Variants in COL24A1 observed in about 807,000 individuals in gnomAD.
COL24A1 encodes the protein collagen alpha-1(XXIV) chain.
In COL24A1, 224 loss-of-function variants were observed where a neutral mutation model predicts 253.9. The ratio of observed to expected loss-of-function variants is 0.88; its 90% CI spans 0.79 to 0.99. COL24A1 has a LOEUF of 0.99. Among genes scored for constraint, COL24A1 ranks in the 50% least tolerant of loss-of-function variants. The pLI, the probability that COL24A1 is intolerant of heterozygous loss-of-function variation, is 0.00. For missense variants in COL24A1, 2,131 were observed against 2,068.5 expected, an observed-to-expected ratio of 1.03 and a Z score of -0.59; for synonymous variants, 685 against 673.7, an observed-to-expected ratio of 1.02 and a Z score of -0.26.
intron 47 of COL24A1, among the ~76,000 whole-genome samples, chr1:85,812,660 T>C (rs1464497245): frequency 6.6e-6 from 1 of 152,158 alleles, no homozygotes; most frequent in Non-Finnish European, 1.5e-5. Context: ...CAAAATGAAA[T>C]CAATGTAGAG....
intron 24 of COL24A1, among the ~76,000 whole-genome samples, chr1:85,957,180 G>A (rs1226724106): frequency 6.6e-6 from 1 of 152,084 alleles, no homozygotes; most frequent in African/African-American, 2.4e-5. Flanking sequence ...TCACACACCA[G>A]GGCCTGTCAG....
At chr1:85,784,214 G>T (rs1282134877) in intron 49 of COL24A1, 45 bp downstream of exon 49, 2 of 1,608,816 alleles carry the variant, frequency 1.2e-6, no homozygotes, top group African/African-American at 1.3e-5. Flanking sequence ...ATGGCAGCCT[G>T]CTCTGTAGAA....
intron 37 of COL24A1, among the ~76,000 whole-genome samples, chr1:85,864,773 C>G (rs938462838): frequency 5.3e-5 from 8 of 152,140 alleles, no homozygotes; most frequent in Non-Finnish European, 1.5e-5. Context: ...AACCACATTT[C>G]AATAAATCCA....
chr1:86,139,561 G>C (rs1250120161), intron 2 of COL24A1, among the ~76,000 whole-genome samples: 2 of 152,052 alleles, frequency 1.3e-5, no homozygotes, highest in Non-Finnish European at 2.9e-5. Context: ...TTAAAAGAAA[G>C]TTACCAATTT....
intron 32 of COL24A1, among the ~76,000 whole-genome samples, chr1:85,888,248 T>C (rs1285240950): frequency 6.6e-6 from 1 of 152,120 alleles, no homozygotes; most frequent in African/African-American, 2.4e-5. Context: ...GCTCCCTCCA[T>C]TTTGTAATTT....
intron 37 of COL24A1, among the ~76,000 whole-genome samples, chr1:85,852,154 TC>T (rs1677846437): frequency 6.6e-6 from 1 of 152,186 alleles, no homozygotes. Flanking sequence ...ATTTTTTTTT[TC>T]ATTTGGATAA....
At chr1:86,033,659 TAA>T (rs79987754) in intron 13 of COL24A1, among the ~76,000 whole-genome samples, 33,294 of 151,230 alleles carry the variant, frequency 0.22, 4,089 homozygotes, top group Middle Eastern at 0.44. Context: ...TCAAAATAAT[TAA>T]TTTAAAGATT....
chr1:85,739,277 C>T (rs368548477), intron 57 of COL24A1, among the ~76,000 whole-genome samples: 368 of 152,268 alleles, frequency 2.4e-3, no homozygotes, highest in African/African-American at 7.9e-3. Context: ...AAAAGGTTTT[C>T]CATCAAGCAA....
intron 35 of COL24A1, among the ~76,000 whole-genome samples, chr1:85,874,135 A>T (rs913073507): frequency 6.6e-6 from 1 of 151,892 alleles, no homozygotes; most frequent in African/African-American, 2.4e-5. Context: ...TTAGGAAAAA[A>T]CTCCTTACCA....
chr1:86,097,778 C>A, intron 5 of COL24A1, among the ~76,000 whole-genome samples: 1 of 151,898 alleles, frequency 6.6e-6, no homozygotes, highest in Non-Finnish European at 1.5e-5. Flanking sequence ...TAGATGATCT[C>A]ATGAACTCTA....
chr1:86,006,129 C>A (rs631512), intron 19 of COL24A1, among the ~76,000 whole-genome samples: 27,645 of 151,974 alleles, frequency 0.18, 3,199 homozygotes, highest in African/African-American at 0.32. Flanking sequence ...CAAACAAAAT[C>A]CCATAAGTTA....
At chr1:86,018,839 C>T (rs528547506) in intron 18 of COL24A1, among the ~76,000 whole-genome samples, 12 of 152,180 alleles carry the variant, frequency 7.9e-5, no homozygotes, top group Admixed American at 2.6e-4. Flanking sequence ...AGTGTATTTA[C>T]GAACAACCTC....
intron 50 of COL24A1, among the ~76,000 whole-genome samples, chr1:85,783,904 G>C (rs188406740): frequency 2.0e-4 from 31 of 152,072 alleles, no homozygotes; most frequent in South Asian, 1.2e-3. Flanking sequence ...AGGGATGAAA[G>C]AAAACAAAAT....
At chr1:85,855,918 T>G (rs1678386185) in intron 37 of COL24A1, among the ~76,000 whole-genome samples, 1 of 152,174 alleles carries the variant, frequency 6.6e-6, no homozygotes, top group Non-Finnish European at 1.5e-5. Context: ...TGGTTCAATC[T>G]TGGGAGGTTG....
At chr1:86,132,776 G>A (rs11161748) in intron 2 of COL24A1, among the ~76,000 whole-genome samples, 4 of 152,244 alleles carry the variant, frequency 2.6e-5, no homozygotes, top group Non-Finnish European at 5.9e-5. Context: ...TAGCTTTGTG[G>A]TATAGTTTGA....
chr1:85,857,770 C>T (rs1678622232), intron 37 of COL24A1, among the ~76,000 whole-genome samples: 1 of 152,164 alleles, frequency 6.6e-6, no homozygotes, highest in Non-Finnish European at 1.5e-5. Flanking sequence ...AAGCATTCAA[C>T]TGAGTCAGAT....
chr1:85,988,004 G>C (rs1693880027), intron 19 of COL24A1, among the ~76,000 whole-genome samples: 1 of 151,528 alleles, frequency 6.6e-6, no homozygotes, highest in African/African-American at 2.4e-5. Flanking sequence ...GGCTACCAAA[G>C]ATTAGGTGAA....
intron 5 of COL24A1, among the ~76,000 whole-genome samples, chr1:86,107,930 C>G (rs371311186): frequency 2.0e-5 from 3 of 152,204 alleles, no homozygotes; most frequent in East Asian, 3.9e-4. Context: ...GACTATTGTT[C>G]AGGTTTATAT....
At chr1:85,858,094 G>A (rs913451851) in intron 37 of COL24A1, among the ~76,000 whole-genome samples, 2 of 152,156 alleles carry the variant, frequency 1.3e-5, no homozygotes, top group Non-Finnish European at 2.9e-5. Context: ...CTATCACTGT[G>A]TTTTCTCATT....
Sources: allele counts gnomAD v4.1 joint callset (sites outside exome capture counted in the v4.1 genomes callset), GRCh38; gene constraint gnomAD v4.1.1; transcripts MANE v1.5; gene names NCBI Gene and HGNC (gene_info 2026-07-23, HGNC 2026-07-21).